GRAMD1B: variants seen among roughly 807,000 people sequenced by gnomAD.
GRAMD1B encodes the protein protein Aster-B.
Under a neutral mutation model 99.7 loss-of-function variants are expected in GRAMD1B, and 37 were observed. The ratio of observed to expected loss-of-function variants is 0.37; its 90% CI spans 0.29 to 0.49. The LOEUF (loss-of-function observed/expected upper bound fraction) is 0.49, where lower values mean the gene tolerates loss of function less well. Among genes scored for constraint, GRAMD1B ranks in the 20% least tolerant of loss-of-function variants. GRAMD1B has a pLI of 0.98. For missense variants in GRAMD1B, 888 were observed against 1,009.2 expected, an observed-to-expected ratio of 0.88 and a Z score of 1.63; for synonymous variants, 427 against 387.6, an observed-to-expected ratio of 1.10 and a Z score of -1.19.
intron 2 of GRAMD1B, among the ~76,000 whole-genome samples, chr11:123,571,754 A>T (rs762133588): frequency 6.6e-6 from 1 of 152,030 alleles, no homozygotes; most frequent in Non-Finnish European, 1.5e-5. Context: ...GGTTTCTGTC[A>T]ATGTTCCATA....
At position 123,430,611 on chromosome 11, in the gene GRAMD1B, G is replaced by T; in HGVS notation, c.-182G>T. 1 of 474,024 alleles carries T rather than the reference G, an allele frequency of 2.1e-6. No individual in the cohort carries two copies. The allele number at this position is 474,024 out of a possible 1,614,324, so 29.4% of individuals were successfully genotyped here. A position where few individuals can be genotyped will look rare whatever the true frequency, so the allele number is the denominator to read the frequency against. On this transcript the variant is annotated 5_prime_UTR_variant, in exon 1 of 20. Transcript: ENST00000635736. ...GCTCCGAAAAGTTAGACTCCGGGCG[G>T]CGGCGCGCTACGCCGCGTCCCCTCG...
intron 2 of GRAMD1B, among the ~76,000 whole-genome samples, chr11:123,551,611 A>AT (rs1275322989): frequency 1.3e-5 from 2 of 152,136 alleles, no homozygotes; most frequent in African/African-American, 4.8e-5. Flanking sequence ...TGTATATGTG[A>AT]TTATTTAGTC....
At chr11:123,522,727 C>G (rs868016781) in intron 2 of GRAMD1B, among the ~76,000 whole-genome samples, 1 of 152,180 alleles carries the variant, frequency 6.6e-6, no homozygotes, top group Non-Finnish European at 1.5e-5. Flanking sequence ...AGATGATGAT[C>G]GCTCAACCCA....
chr11:123,471,916 G>T (rs1156469537), intron 1 of GRAMD1B, among the ~76,000 whole-genome samples: 2 of 152,196 alleles, frequency 1.3e-5, no homozygotes, highest in Admixed American at 1.3e-4. Flanking sequence ...TTGTTTTAAT[G>T]GAAGTTCAGC....
intron 1 of GRAMD1B, among the ~76,000 whole-genome samples, chr11:123,432,910 T>G (rs2134192076): frequency 6.6e-6 from 1 of 152,328 alleles, no homozygotes. Flanking sequence ...AGCATGGTTC[T>G]CTCAGCAGGT....
chr11:123,591,849 C>CT lies in GRAMD1B; in HGVS notation c.685-2232dup, dbSNP rs1950693046. Among the ~76,000 whole-genome samples, 1 of 152,146 alleles carries CT rather than the reference C, an allele frequency of 6.6e-6. No individual in the cohort carries two copies. The highest frequency in any genetic ancestry group is 1.5e-5 in the Non-Finnish European group (1 of 68,030). ...AAGCCTGGATAAAGGAGTTTCCAGA[C>CT]TGGCTGACTTAGCAGGCCAGGGCTG... is the stretch of plus-strand genomic sequence containing the variant. On this transcript the variant is annotated intron_variant, in intron 4 of 19. Transcript: ENST00000635736. This position sits in a 1 kb window ranked among gnomAD's most constrained non-coding sequence, Gnocchi z 4.7.
At chr11:123,387,566 C>T (rs567956480) in intron 1 of GRAMD1B, among the ~76,000 whole-genome samples, 1 of 152,142 alleles carries the variant, frequency 6.6e-6, no homozygotes, top group African/African-American at 2.4e-5. Context: ...AAAGCACCCA[C>T]CCCCAGGCTC....
chr11:123,521,988 T>C (rs1376390927), intron 2 of GRAMD1B, among the ~76,000 whole-genome samples: 4 of 152,228 alleles, frequency 2.6e-5, no homozygotes, highest in African/African-American at 9.6e-5. Flanking sequence ...TTTATCTGTG[T>C]GTATGCCATA....
intron 2 of GRAMD1B, among the ~76,000 whole-genome samples, chr11:123,550,207 C>T (rs1164138769): frequency 6.6e-6 from 1 of 152,178 alleles, no homozygotes; most frequent in Admixed American, 6.5e-5. Context: ...AAATGAATTC[C>T]GTGCTTTACT....
intron 2 of GRAMD1B, among the ~76,000 whole-genome samples, chr11:123,541,824 T>C (rs1944564277): frequency 6.6e-6 from 1 of 152,360 alleles, no homozygotes; most frequent in African/African-American, 2.4e-5. Context: ...TCTTATCCTA[T>C]GCCTTTTTTT....
chr11:123,451,895 A>G (rs1949905085), intron 1 of GRAMD1B, among the ~76,000 whole-genome samples: 1 of 152,124 alleles, frequency 6.6e-6, no homozygotes, highest in South Asian at 2.1e-4. Context: ...GTACAGTGGC[A>G]TGATCATAGC....
At chr11:123,607,588 TA>T (rs1381415999) in intron 11 of GRAMD1B, among the ~76,000 whole-genome samples, 1 of 152,222 alleles carries the variant, frequency 6.6e-6, no homozygotes, top group Non-Finnish European at 1.5e-5. Context: ...CTGCATGGGT[TA>T]GATACTGCCT....
At chr11:123,611,401 T>C (rs1953547645) in intron 14 of GRAMD1B, among the ~76,000 whole-genome samples, 1 of 152,058 alleles carries the variant, frequency 6.6e-6, no homozygotes, top group Non-Finnish European at 1.5e-5. Flanking sequence ...ACAACTGCAC[T>C]CCAGCCTGGG....
chr11:123,478,615 G>A (rs1015654436), intron 1 of GRAMD1B, among the ~76,000 whole-genome samples: 3 of 152,146 alleles, frequency 2.0e-5, no homozygotes, highest in African/African-American at 7.2e-5. Context: ...GCAAATATCA[G>A]CTTAGAATTA....
At position 123,470,671 on chromosome 11, in the gene GRAMD1B, A is replaced by T. The variant is rs559319660; in HGVS notation, c.375-10145A>T. On this transcript the variant is annotated intron_variant, in intron 1 of 19. Coordinates refer to ENST00000635736, the MANE Select transcript of GRAMD1B (RefSeq NM_001387025.1). ...AGAACACAAGAGCTTGGAACACAAA[A>T]AGTAAACTAGGAAGGGCTACCACGT... Among the ~76,000 whole-genome samples, 5 of 152,146 alleles carry T rather than the reference A, an allele frequency of 3.3e-5. No individual in the cohort carries two copies. The East Asian group carries it at 9.7e-4, about 29-fold the overall frequency.
At chr11:123,425,252 CTGA>C (rs1948606126) in intron 1 of GRAMD1B, among the ~76,000 whole-genome samples, 1 of 152,162 alleles carries the variant, frequency 6.6e-6, no homozygotes, top group Non-Finnish European at 1.5e-5. Context: ...TTAGTATAAG[CTGA>C]TGATATTTTG....
At chr11:123,506,114 G>A (rs1940397173) in intron 2 of GRAMD1B, among the ~76,000 whole-genome samples, 2 of 152,216 alleles carry the variant, frequency 1.3e-5, no homozygotes, top group Admixed American at 1.3e-4. Context: ...CACTCTGTAA[G>A]CAATGCAAAC....
chr11:123,521,017 T>C (rs1376543385), intron 2 of GRAMD1B, among the ~76,000 whole-genome samples: 1 of 152,188 alleles, frequency 6.6e-6, no homozygotes, highest in Non-Finnish European at 1.5e-5. Context: ...AGTTTTTGTT[T>C]TGCTTTTGCT....
chr11:123,462,333 G>C (rs376333550), intron 1 of GRAMD1B, among the ~76,000 whole-genome samples: 83 of 148,772 alleles, frequency 5.6e-4, no homozygotes, highest in African/African-American at 2.0e-3. Context: ...GCCATCCCCT[G>C]ACAAACTGCC....
Sources: gnomAD v4.1 joint callset for allele counts (sites outside exome capture counted in the v4.1 genomes callset) on GRCh38, gnomAD v4.1.1 for gene constraint, Gnocchi (gnomAD v3.1) non-coding constraint, MANE v1.5 for transcripts, NCBI Gene and HGNC (gene_info 2026-07-23, HGNC 2026-07-21) for gene names.